The following DIAPH3 variants were observed in gnomAD, a reference collection of about 807,000 sequenced individuals.
DIAPH3 encodes the protein protein diaphanous homolog 3.
Under a neutral mutation model 144.3 loss-of-function variants are expected in DIAPH3, and 117 were observed. That is an observed-to-expected ratio of 0.81 (90% CI 0.70 to 0.95). The LOEUF (loss-of-function observed/expected upper bound fraction) is 0.95. Among genes scored for constraint, DIAPH3 ranks in the 40% least tolerant of loss-of-function variants. The pLI is 0.00. For missense variants in DIAPH3, 1,421 were observed against 1,412.7 expected, an observed-to-expected ratio of 1.01 and a Z score of -0.09; for synonymous variants, 519 against 488.9, an observed-to-expected ratio of 1.06 and a Z score of -0.81.
At chr13:59,991,676 C>A (rs770422451) in intron 11 of DIAPH3, among the ~76,000 whole-genome samples, 3 of 151,914 alleles carry the variant, frequency 2.0e-5, no homozygotes, top group Non-Finnish European at 2.9e-5. Context: ...GGAGCACAGA[C>A]GTCTGCAGAC....
intron 2 of DIAPH3, among the ~76,000 whole-genome samples, chr13:60,122,226 A>T (rs1047090598): frequency 3.9e-5 from 6 of 152,176 alleles, no homozygotes; most frequent in Admixed American, 6.5e-5. Context: ...AGAATCTCCT[A>T]AACATGTACA....
intron 17 of DIAPH3, among the ~76,000 whole-genome samples, chr13:59,940,162 G>A (rs1184549249): frequency 6.6e-6 from 1 of 152,092 alleles, no homozygotes; most frequent in Middle Eastern, 3.2e-3. Flanking sequence ...TTGTGAAATG[G>A]GGAGCGAGGT....
chr13:59,817,478 A>T (rs1042121651), intron 24 of DIAPH3, among the ~76,000 whole-genome samples: 5 of 151,926 alleles, frequency 3.3e-5, no homozygotes, highest in Non-Finnish European at 7.4e-5. Context: ...CTATTAACAT[A>T]GTTTCCCTTT....
At chr13:59,908,042 C>T (rs1462691917) in intron 20 of DIAPH3, among the ~76,000 whole-genome samples, 3 of 152,026 alleles carry the variant, frequency 2.0e-5, no homozygotes, top group Admixed American at 1.3e-4. Context: ...GGATATAGAG[C>T]CCTAGAAAAC....
intron 4 of DIAPH3, among the ~76,000 whole-genome samples, chr13:60,086,402 T>C (rs1158541669): frequency 2.6e-5 from 4 of 152,156 alleles, no homozygotes; most frequent in Non-Finnish European, 5.9e-5. Flanking sequence ...GAAAATACTC[T>C]TAACAAGAAA....
intron 25 of DIAPH3, among the ~76,000 whole-genome samples, chr13:59,801,901 C>G (rs1005698128): frequency 2.6e-5 from 4 of 152,056 alleles, no homozygotes; most frequent in African/African-American, 4.8e-5. Context: ...CTTAATTTCC[C>G]CAGTCTGCCC....
chr13:59,960,584 T>G (rs1243462001), intron 17 of DIAPH3, among the ~76,000 whole-genome samples: 1 of 152,210 alleles, frequency 6.6e-6, no homozygotes, highest in African/African-American at 2.4e-5. Context: ...ATGCCTTAAT[T>G]CAACCCAGTT....
intron 4 of DIAPH3, among the ~76,000 whole-genome samples, chr13:60,077,566 A>C (rs2057418697): frequency 6.6e-6 from 1 of 152,108 alleles, no homozygotes; most frequent in Admixed American, 6.6e-5. Flanking sequence ...TGACTTTATC[A>C]ATTTCAGAGT....
At chr13:60,119,042 T>G (rs1349427436) in intron 2 of DIAPH3, among the ~76,000 whole-genome samples, 1 of 152,228 alleles carries the variant, frequency 6.6e-6, no homozygotes, top group East Asian at 1.9e-4. Context: ...AACCATCAAC[T>G]GTTTTAATCA....
At chr13:59,675,834 C>T (rs575956196) in intron 27 of DIAPH3, among the ~76,000 whole-genome samples, 8 of 152,106 alleles carry the variant, frequency 5.3e-5, no homozygotes, top group Non-Finnish European at 1.2e-4. Context: ...GGCAAATAGA[C>T]ATGTTGTGAA....
chr13:59,857,517 A>C (rs1348952881), intron 22 of DIAPH3, among the ~76,000 whole-genome samples: 4 of 152,180 alleles, frequency 2.6e-5, no homozygotes, highest in Admixed American at 6.5e-5. Context: ...AAAATATGGA[A>C]ACAGAGAAAT....
intron 4 of DIAPH3, among the ~76,000 whole-genome samples, chr13:60,077,042 A>C (rs908754087): frequency 6.6e-6 from 1 of 152,128 alleles, no homozygotes; most frequent in African/African-American, 2.4e-5. Flanking sequence ...TCATTAAGAG[A>C]TACTCTATTC....
intron 25 of DIAPH3, among the ~76,000 whole-genome samples, chr13:59,799,677 C>T (rs1712215671): frequency 6.6e-6 from 1 of 152,006 alleles, no homozygotes; most frequent in African/African-American, 2.4e-5. Context: ...AGTTTTTGTC[C>T]CACAAATGTG....
At chr13:59,909,335 G>A (rs1003697897) in intron 20 of DIAPH3, among the ~76,000 whole-genome samples, 2 of 146,264 alleles carry the variant, frequency 1.4e-5, no homozygotes, top group South Asian at 2.2e-4. Flanking sequence ...TCTTTGTCCA[G>A]TATTTTGTTT....
chr13:60,155,765 T>C (rs1306466151), intron 1 of DIAPH3, among the ~76,000 whole-genome samples: 1 of 152,182 alleles, frequency 6.6e-6, no homozygotes, highest in Non-Finnish European at 1.5e-5. Context: ...CATTTAGATA[T>C]CACCTCCATC....
At chr13:59,669,170 G>C (rs1249178172) in intron 27 of DIAPH3, among the ~76,000 whole-genome samples, 2 of 152,066 alleles carry the variant, frequency 1.3e-5, no homozygotes, top group Non-Finnish European at 2.9e-5. Context: ...CTGAATTCTC[G>C]CAACAGCTTT....
intron 9 of DIAPH3, among the ~76,000 whole-genome samples, chr13:60,007,980 A>C (rs1450824009): frequency 3.9e-5 from 6 of 152,234 alleles, no homozygotes; most frequent in African/African-American, 1.4e-4. Flanking sequence ...AATATCTCAT[A>C]CAGGGAAATC....
intron 24 of DIAPH3, among the ~76,000 whole-genome samples, chr13:59,827,163 A>G (rs1363394839): frequency 6.6e-6 from 1 of 152,102 alleles, no homozygotes; most frequent in East Asian, 1.9e-4. Flanking sequence ...AATGGCAACA[A>G]AAGCCAAAAT....
intron 1 of DIAPH3, among the ~76,000 whole-genome samples, chr13:60,143,945 G>A (rs1293842324): frequency 6.6e-6 from 1 of 152,192 alleles, no homozygotes; most frequent in African/African-American, 2.4e-5. Context: ...AAAATTTAGA[G>A]TAAGGGTGGA....
Sources: allele counts gnomAD v4.1 joint callset (sites outside exome capture counted in the v4.1 genomes callset), GRCh38; gene constraint gnomAD v4.1.1; transcripts MANE v1.5; gene names NCBI Gene and HGNC (gene_info 2026-07-23, HGNC 2026-07-21).